The following CCDC178 variants were observed in gnomAD, a reference collection of about 807,000 sequenced individuals.
CCDC178 encodes the protein coiled-coil domain containing 178.
CCDC178 carries 126 observed loss-of-function variants against 117.4 expected under a neutral mutation model. That is an observed-to-expected ratio of 1.07 (90% CI 0.93 to 1.24). CCDC178 has a LOEUF of 1.24. Ranked by LOEUF, CCDC178 falls within the 50% of genes most tolerant of loss-of-function variation. The probability of loss-of-function intolerance (pLI) is 0.00; values close to 1 mark genes in which losing one functional copy is unlikely to be tolerated. For missense variants in CCDC178, 1,030 were observed against 986.9 expected, an observed-to-expected ratio of 1.04 and a Z score of -0.59; for synonymous variants, 283 against 313.4, an observed-to-expected ratio of 0.90 and a Z score of 1.02.
At chr18:32,962,946 T>C (rs777230958) in intron 22 of CCDC178, among the ~76,000 whole-genome samples, 30 of 152,168 alleles carry the variant, frequency 2.0e-4, no homozygotes, top group Non-Finnish European at 3.5e-4. Context: ...TTACTAAATA[T>C]TTAGTACATT....
chr18:33,007,633 A>G (rs2055778707), intron 21 of CCDC178, among the ~76,000 whole-genome samples: 1 of 152,112 alleles, frequency 6.6e-6, no homozygotes, highest in Non-Finnish European at 1.5e-5. Context: ...CTGACAAGAT[A>G]GGGGTAGTTG....
At chr18:33,431,032 G>T (rs1275963926) in intron 2 of CCDC178, among the ~76,000 whole-genome samples, 5 of 144,012 alleles carry the variant, frequency 3.5e-5, no homozygotes, top group East Asian at 2.1e-4. Context: ...CCGAGATCGC[G>T]CCACTGCACT....
chr18:33,099,447 T>G (rs915845091), intron 20 of CCDC178, among the ~76,000 whole-genome samples: 7 of 151,972 alleles, frequency 4.6e-5, no homozygotes, highest in East Asian at 3.9e-4. Context: ...GTGCGGAGAC[T>G]GATTCATAGC....
intron 6 of CCDC178, among the ~76,000 whole-genome samples, chr18:33,364,422 TA>T: frequency 6.6e-6 from 1 of 152,126 alleles, no homozygotes; most frequent in South Asian, 2.1e-4. Flanking sequence ...TTTCAGATGC[TA>T]AGTGGAATGG....
chr18:33,243,048 A>G (rs963075397), intron 15 of CCDC178, among the ~76,000 whole-genome samples: 1 of 152,002 alleles, frequency 6.6e-6, no homozygotes, highest in East Asian at 1.9e-4. Context: ...GTATATATAC[A>G]CAATGGAATA....
At chr18:33,089,761 C>A (rs1478598531) in intron 21 of CCDC178, among the ~76,000 whole-genome samples, 1 of 152,086 alleles carries the variant, frequency 6.6e-6, no homozygotes, top group Non-Finnish European at 1.5e-5. Context: ...CATCAAAATA[C>A]CCATGGACTT....
intron 21 of CCDC178, among the ~76,000 whole-genome samples, chr18:33,019,713 A>C (rs1598795276): frequency 6.6e-6 from 1 of 152,164 alleles, no homozygotes; most frequent in African/African-American, 2.4e-5. Flanking sequence ...CTGAGACTCA[A>C]GGTGGATTTA....
chr18:33,290,423 T>C (rs1252567362), intron 12 of CCDC178, among the ~76,000 whole-genome samples: 1 of 152,178 alleles, frequency 6.6e-6, no homozygotes, highest in African/African-American at 2.4e-5. Context: ...GTTTGCCTTT[T>C]GGAAAGTTCC....
chr18:32,951,155 T>A (rs1273990467), intron 22 of CCDC178, among the ~76,000 whole-genome samples: 2 of 152,216 alleles, frequency 1.3e-5, no homozygotes, highest in African/African-American at 4.8e-5. Flanking sequence ...ATTACCTATG[T>A]TAACCTATGC....
chr18:33,056,927 T>C (rs1054704859), intron 21 of CCDC178, among the ~76,000 whole-genome samples: 1 of 147,478 alleles, frequency 6.8e-6, no homozygotes, highest in Non-Finnish European at 1.5e-5. Context: ...GATGTTGGAA[T>C]TGCTGGTGTT....
intron 21 of CCDC178, among the ~76,000 whole-genome samples, chr18:33,059,476 T>C (rs2056886129): frequency 6.6e-6 from 1 of 152,092 alleles, no homozygotes; most frequent in Non-Finnish European, 1.5e-5. Context: ...CTTACACAAT[T>C]ACCCAAGCTG....
Position 33,370,147 on chromosome 18 carries a change from T to C in CCDC178, c.251A>G (p.His84Arg). 1 of 1,605,870 alleles carries C rather than the reference T, an allele frequency of 6.2e-7. No homozygotes were observed. The highest frequency in any genetic ancestry group is 8.5e-7 in the Non-Finnish European group (1 of 1,176,352). ...TGGAATATTTACTACGGCACAGCTG[T>C]GACGTCGACATGGGTAGCTAAAGTA... is the stretch of plus-strand genomic sequence containing the variant. ...GIYFSYPCRR[H>R]SCAVVNIPAP... The change falls in exon 6 of 23, where the codon CAC becomes CGC. Residue 84 changes from histidine to arginine, a missense_variant. By Grantham distance (29) the His-to-Arg change is conservative. Coordinates refer to ENST00000383096, the MANE Select transcript of CCDC178 (RefSeq NM_001105528.4).
At chr18:33,114,568 A>G (rs2057827299) in intron 20 of CCDC178, among the ~76,000 whole-genome samples, 2 of 152,100 alleles carry the variant, frequency 1.3e-5, no homozygotes, top group Non-Finnish European at 2.9e-5. Context: ...AGGAGCCCAC[A>G]GAAAATCCAA....
At chr18:33,126,725 C>G (rs2058009094) in intron 20 of CCDC178, among the ~76,000 whole-genome samples, 1 of 151,976 alleles carries the variant, frequency 6.6e-6, no homozygotes, top group South Asian at 2.1e-4. Context: ...GTGGCGCCAT[C>G]TCAGCTCACT....
At chr18:33,204,894 T>C (rs1276316945) in intron 20 of CCDC178, among the ~76,000 whole-genome samples, 2 of 152,062 alleles carry the variant, frequency 1.3e-5, no homozygotes, top group Admixed American at 6.5e-5. Context: ...TAACAGCATG[T>C]TAATGATAAG....
At chr18:32,946,975 T>C (rs2054370441) in intron 22 of CCDC178, among the ~76,000 whole-genome samples, 2 of 151,784 alleles carry the variant, frequency 1.3e-5, no homozygotes, top group South Asian at 4.2e-4. Flanking sequence ...AGAGACGGGG[T>C]TTCACCGCGT....
chr18:33,310,647 C>A (rs554809446), intron 11 of CCDC178, among the ~76,000 whole-genome samples: 3 of 152,180 alleles, frequency 2.0e-5, no homozygotes, highest in African/African-American at 7.2e-5. Context: ...GATTGCAACA[C>A]TGAATTCCAG....
In CCDC178 at chr18:33,425,301, T is replaced by G. The variant is rs111757798; in HGVS notation, c.-22-13191A>C. ...CCTCAATTAATTTAAAAACAAAAAT[T>G]TTAAAAAAACCTGTAACCTGAAACA... On this transcript the variant is annotated intron_variant, in intron 2 of 22. Coordinates refer to ENST00000383096, the MANE Select transcript of CCDC178 (RefSeq NM_001105528.4). Among the ~76,000 whole-genome samples the G allele has an allele frequency of 3.6e-3, 552 of 151,956 alleles. 1 individual carries two copies. The highest frequency in any genetic ancestry group is 0.013 in the African/African-American group (521 of 41,416).
chr18:32,951,904 G>A (rs2054494225), intron 22 of CCDC178, among the ~76,000 whole-genome samples: 1 of 152,180 alleles, frequency 6.6e-6, no homozygotes, highest in African/African-American at 2.4e-5. Flanking sequence ...AAGGGCTACA[G>A]GCCCCATGCA....
Sources: allele counts gnomAD v4.1 joint callset (sites outside exome capture counted in the v4.1 genomes callset), GRCh38; gene constraint gnomAD v4.1.1; transcripts MANE v1.5; gene names NCBI Gene and HGNC (gene_info 2026-07-23, HGNC 2026-07-21).